Variants in LHFPL3 observed in about 807,000 individuals in gnomAD.
LHFPL3 encodes LHFPL tetraspan subfamily member 3, also known as LHFPL tetraspan subfamily member 3 protein.
A neutral mutation model predicts 19.3 loss-of-function variants in LHFPL3; 5 were observed. The observed-to-expected ratio is 0.26, with a 90% CI of 0.14 to 0.54. LHFPL3 has a LOEUF of 0.54. Among genes scored for constraint, LHFPL3 ranks in the 20% least tolerant of loss-of-function variants. The pLI is 0.94. For missense variants in LHFPL3, 249 were observed against 307.4 expected (o/e 0.81, Z 1.42); for synonymous variants, 133 against 126.2 (o/e 1.05, Z -0.36).
chr7:104,833,099 G>GAT (rs796217078), intron 2 of LHFPL3, among the ~76,000 whole-genome samples: 105 of 2,310 alleles, frequency 0.045, 5 homozygotes, highest in East Asian at 0.21. Flanking sequence ...TATATAATAG[G>GAT]ATATATATAT....
intron 1 of LHFPL3, among the ~76,000 whole-genome samples, chr7:104,374,994 T>C (rs1352736294): frequency 6.6e-6 from 1 of 152,214 alleles, no homozygotes. Flanking sequence ...GCAATAAATA[T>C]CAAGTGTCAG....
intron 1 of LHFPL3, among the ~76,000 whole-genome samples, chr7:104,338,097 T>C (rs901252497): frequency 1.5e-5 from 2 of 131,332 alleles, no homozygotes; most frequent in African/African-American, 2.9e-5. Context: ...CTTTTTCTTT[T>C]TTTTTTTTTT....
At chr7:104,830,672 G>C (rs1790934061) in intron 2 of LHFPL3, among the ~76,000 whole-genome samples, 1 of 151,926 alleles carries the variant, frequency 6.6e-6, no homozygotes, top group Admixed American at 6.5e-5. Context: ...TGAGGGCTCT[G>C]TTCTGTTCCA....
chr7:104,412,913 T>C (rs1411498635), intron 1 of LHFPL3, among the ~76,000 whole-genome samples: 1 of 152,232 alleles, frequency 6.6e-6, no homozygotes, highest in East Asian at 1.9e-4. Flanking sequence ...TTGTCAGGTC[T>C]GTCATTAGCA....
chr7:104,338,259 C>T (rs6979155), intron 1 of LHFPL3, among the ~76,000 whole-genome samples: 58,458 of 151,312 alleles, frequency 0.39, 11,662 homozygotes, highest in Middle Eastern at 0.53. Context: ...CCACCACGCC[C>T]GATTAATTTT....
intron 1 of LHFPL3, among the ~76,000 whole-genome samples, chr7:104,530,156 T>A (rs1287463797): frequency 6.6e-6 from 1 of 152,208 alleles, no homozygotes. Flanking sequence ...TGACTAATCA[T>A]CAGTATGATT....
chr7:104,837,085 A>C (rs146841088), intron 2 of LHFPL3, among the ~76,000 whole-genome samples: 320 of 152,338 alleles, frequency 2.1e-3, no homozygotes, highest in Middle Eastern at 3.4e-3. Flanking sequence ...ATCTGGCTTC[A>C]TATCTGCCAC....
chr7:104,360,055 T>G (rs1211423532), intron 1 of LHFPL3, among the ~76,000 whole-genome samples: 1 of 152,248 alleles, frequency 6.6e-6, no homozygotes, highest in Non-Finnish European at 1.5e-5. Flanking sequence ...CCTCAAATCC[T>G]GACACTTTCC....
At chr7:104,789,397 G>T (rs1210228983) in intron 2 of LHFPL3, among the ~76,000 whole-genome samples, 5 of 152,158 alleles carry the variant, frequency 3.3e-5, no homozygotes, top group African/African-American at 1.2e-4. Flanking sequence ...AGACTCTTGG[G>T]GTTCAGAGAA....
intron 1 of LHFPL3, among the ~76,000 whole-genome samples, chr7:104,689,178 G>A (rs1385514130): frequency 6.6e-6 from 1 of 152,140 alleles, no homozygotes; most frequent in South Asian, 2.1e-4. Context: ...TTTAGAGTGG[G>A]AACTGCACTC....
chr7:104,535,360 T>C (rs954451912), intron 1 of LHFPL3, among the ~76,000 whole-genome samples: 2 of 152,164 alleles, frequency 1.3e-5, no homozygotes, highest in Non-Finnish European at 2.9e-5. Flanking sequence ...TTGGCTACAA[T>C]CCAATGAAAT....
At position 104,809,182 on chromosome 7, in the gene LHFPL3, G is replaced by A. The variant is rs892872407; in HGVS notation, c.682+72271G>A. Among the ~76,000 whole-genome samples the A allele has an allele frequency of 4.6e-5, 7 of 152,242 alleles. 1 individual carries two copies. The Middle Eastern group carries it at 0.01, about 222-fold the overall frequency. On this transcript the variant is annotated intron_variant, in intron 2 of 2. Transcript: ENST00000424859. ...GTGCTAGGATTACAGGCGTGAGCCC[G>A]CGTGCCCAGCCGGATCTTGGACCCT...
At chr7:104,377,360 C>T (rs1381871371) in intron 1 of LHFPL3, among the ~76,000 whole-genome samples, 1 of 152,124 alleles carries the variant, frequency 6.6e-6, no homozygotes, top group Non-Finnish European at 1.5e-5. Context: ...TTATTTGTTA[C>T]TCAAGAGAGA....
chr7:104,812,325 T>C (rs774909159), intron 2 of LHFPL3, among the ~76,000 whole-genome samples: 11 of 152,114 alleles, frequency 7.2e-5, no homozygotes, highest in Non-Finnish European at 1.0e-4. Flanking sequence ...ATGAATAAAT[T>C]GTGGAATAGT....
chr7:104,362,891 A>G (rs1225555822), intron 1 of LHFPL3, among the ~76,000 whole-genome samples: 1 of 152,224 alleles, frequency 6.6e-6, no homozygotes, highest in Non-Finnish European at 1.5e-5. Flanking sequence ...CTACAAAACC[A>G]GATGAGCAAG....
chr7:104,424,528 G>GC (rs1791799802), intron 1 of LHFPL3, among the ~76,000 whole-genome samples: 2 of 152,138 alleles, frequency 1.3e-5, no homozygotes, highest in South Asian at 2.1e-4. Flanking sequence ...ATTCATTATA[G>GC]CCCCCCAAAC....
intron 2 of LHFPL3, among the ~76,000 whole-genome samples, chr7:104,903,866 T>C (rs180774144): frequency 9.7e-4 from 148 of 152,346 alleles, no homozygotes; most frequent in Non-Finnish European, 1.6e-3. Flanking sequence ...ATGTCTTTCC[T>C]ATTGTTAATA....
intron 1 of LHFPL3, among the ~76,000 whole-genome samples, chr7:104,524,485 A>G (rs1794144704): frequency 6.6e-6 from 1 of 152,096 alleles, no homozygotes; most frequent in Admixed American, 6.6e-5. Context: ...ATCAATCTAT[A>G]CTTTCCAGTC....
intron 1 of LHFPL3, among the ~76,000 whole-genome samples, chr7:104,544,825 T>A (rs1794550768): frequency 6.6e-6 from 1 of 152,180 alleles, no homozygotes; most frequent in Non-Finnish European, 1.5e-5. Context: ...TTCCTGCCCC[T>A]CACTAGAAAT....
Sources: allele counts gnomAD v4.1 joint callset (sites outside exome capture counted in the v4.1 genomes callset), GRCh38; gene constraint gnomAD v4.1.1; transcripts MANE v1.5; gene names NCBI Gene and HGNC (gene_info 2026-07-23, HGNC 2026-07-21).